GPR39: variants seen among roughly 807,000 people sequenced by gnomAD.
GPR39 encodes G protein-coupled receptor 39.
A neutral mutation model predicts 18.4 loss-of-function variants in GPR39; 23 were observed. That is an observed-to-expected ratio of 1.25 (90% CI 0.90 to 1.77). The LOEUF (loss-of-function observed/expected upper bound fraction) is 1.77, where lower values mean the gene tolerates loss of function less well. Among genes scored for constraint, GPR39 ranks in the 40% most tolerant of loss-of-function variants. GPR39 has a pLI of 0.00. For missense variants in GPR39, 647 were observed against 602.4 expected, an observed-to-expected ratio of 1.07 and a Z score of -0.78; for synonymous variants, 280 against 257.9, an observed-to-expected ratio of 1.09 and a Z score of -0.82.
At chr2:132,481,454 G>A (rs1225933683) in intron 1 of GPR39, among the ~76,000 whole-genome samples, 2 of 152,198 alleles carry the variant, frequency 1.3e-5, no homozygotes, top group Non-Finnish European at 2.9e-5. Flanking sequence ...TGCTATACCA[G>A]GAGGTAAAAG....
rs146010135 is a variant in GPR39 at position 132,431,336 on chromosome 2, C to T, written c.856+13438C>T. On this transcript the variant is annotated intron_variant, in intron 1 of 1. Coordinates refer to ENST00000329321, the MANE Select transcript of GPR39 (RefSeq NM_001508.3). ...TCCTTATTTCAGATGTAAGATCCTA[C>T]CTTTGATGTCAAGCATATTGACCAT... is the stretch of plus-strand genomic sequence containing the variant. 2.9e-4 allele frequency among the ~76,000 whole-genome samples: 44 copies of T among 152,270 alleles called. No individual in the cohort carries two copies. The East Asian group carries it at 3.1e-3, about 11-fold the overall frequency.
At position 132,578,642 on chromosome 2, in the gene GPR39, G is replaced by C. The variant is rs939051975; in HGVS notation, c.857-66459G>C. ...ACACTAGTATTTTCTTTGAGTGACT[G>C]TTAAGTGTGTTTCTAAATAGACTTA... On this transcript the variant is annotated intron_variant, in intron 1 of 1. Transcript: ENST00000329321. Among the ~76,000 whole-genome samples, 17 of 152,178 alleles carry C rather than the reference G, an allele frequency of 1.1e-4. No homozygotes were observed. The East Asian group carries it at 1.9e-3, about 17-fold the overall frequency.
At chr2:132,534,238 A>T (rs913961932) in intron 1 of GPR39, among the ~76,000 whole-genome samples, 2 of 152,124 alleles carry the variant, frequency 1.3e-5, no homozygotes. Flanking sequence ...ACATGAAAAA[A>T]TGTTCATCAT....
intron 1 of GPR39, among the ~76,000 whole-genome samples, chr2:132,523,162 A>G (rs936404227): frequency 6.6e-6 from 1 of 152,256 alleles, no homozygotes; most frequent in South Asian, 2.1e-4. Context: ...CAAACCAGAC[A>G]TTACTTTTTT....
intron 1 of GPR39, among the ~76,000 whole-genome samples, chr2:132,622,943 CTG>C (rs911819253): frequency 2.6e-5 from 4 of 152,132 alleles, no homozygotes; most frequent in African/African-American, 9.7e-5. Flanking sequence ...GAAACCCTGT[CTG>C]TACTAAAAAT....
chr2:132,492,950 T>C (rs1160020327), intron 1 of GPR39, among the ~76,000 whole-genome samples: 1 of 143,810 alleles, frequency 7.0e-6, no homozygotes, highest in East Asian at 2.1e-4. Context: ...ACACCATATA[T>C]ACACCATATA....
At chr2:132,574,353 G>A (rs1252436724) in intron 1 of GPR39, among the ~76,000 whole-genome samples, 1 of 152,094 alleles carries the variant, frequency 6.6e-6, no homozygotes, top group Non-Finnish European at 1.5e-5. Flanking sequence ...ATGTTTATTA[G>A]TCATTTGTAT....
At chr2:132,595,254 G>A (rs186067888) in intron 1 of GPR39, among the ~76,000 whole-genome samples, 13 of 152,148 alleles carry the variant, frequency 8.5e-5, no homozygotes, top group African/African-American at 1.2e-4. Context: ...CACCTGCCTC[G>A]GCCTCCCAAA....
At position 132,594,709 on chromosome 2, in the gene GPR39, C is replaced by T. The variant is rs141998056; in HGVS notation, c.857-50392C>T. ...TCTGGAGAGATGGGGAGAGAGACAC[C>T]GAGATACCTCTTAAAGACAGAATAG... On this transcript the variant is annotated intron_variant, in intron 1 of 1. Transcript: ENST00000329321. 2.7e-3 allele frequency among the ~76,000 whole-genome samples: 404 copies of T among 151,732 alleles called. 3 individuals are homozygous for T. The highest frequency in any genetic ancestry group is 0.01 in the Middle Eastern group (3 of 294).
At chr2:132,435,081 T>C (rs985833573) in intron 1 of GPR39, among the ~76,000 whole-genome samples, 1 of 152,208 alleles carries the variant, frequency 6.6e-6, no homozygotes, top group Non-Finnish European at 1.5e-5. Context: ...TGGATCATTC[T>C]ATGATACAGA....
intron 1 of GPR39, among the ~76,000 whole-genome samples, chr2:132,500,840 C>T (rs1327140416): frequency 1.3e-5 from 2 of 152,036 alleles, no homozygotes; most frequent in African/African-American, 4.8e-5. Flanking sequence ...TATCCATCTC[C>T]TCTAGGTCTT....
chr2:132,477,788 A>G (rs1310751940), intron 1 of GPR39, among the ~76,000 whole-genome samples: 1 of 152,258 alleles, frequency 6.6e-6, no homozygotes, highest in African/African-American at 2.4e-5. Context: ...TAAGTATATT[A>G]CAAAGTTGGT....
intron 1 of GPR39, among the ~76,000 whole-genome samples, chr2:132,479,074 T>C (rs940488629): frequency 2.6e-5 from 4 of 152,220 alleles, no homozygotes; most frequent in African/African-American, 9.6e-5. Context: ...ACAGCAGTGC[T>C]GCTGATTTAA....
At chr2:132,594,321 T>C (rs1016845684) in intron 1 of GPR39, among the ~76,000 whole-genome samples, 1 of 152,096 alleles carries the variant, frequency 6.6e-6, no homozygotes, top group Non-Finnish European at 1.5e-5. Context: ...GCTAAAATGA[T>C]CTCTCAGTCT....
At chr2:132,609,455 C>G (rs1681201736) in intron 1 of GPR39, among the ~76,000 whole-genome samples, 2 of 152,160 alleles carry the variant, frequency 1.3e-5, no homozygotes, top group Admixed American at 1.3e-4. Context: ...ATCACTTATA[C>G]AAAGTTGCAC....
chr2:132,421,182 G>C (rs1680002819), intron 1 of GPR39, among the ~76,000 whole-genome samples: 1 of 152,152 alleles, frequency 6.6e-6, no homozygotes, highest in African/African-American at 2.4e-5. Flanking sequence ...TCTTTCCCCA[G>C]ACCTCCCATC....
rs780312522 is a variant in GPR39, at chr2:132,417,440, G to A, written c.398G>A (p.Arg133His). ...CACGTGCTGACACTCAGCTTTGAGC[G>A]CTACATCGCCATCTGTCACCCCTTC... ...LLHVLTLSFE[R>H]YIAICHPFRY... The change falls in exon 1 of 2, where the codon CGC (arginine) becomes CAC (histidine). Residue 133 changes from arginine to histidine, a missense_variant. This residue lies in a region of GPR39 where 581 missense variants were observed against 506.8 expected (regional missense o/e 1.15). Transcript: ENST00000329321. 9 of 1,614,038 alleles carry A rather than the reference G, an allele frequency of 5.6e-6. No individual in the cohort carries two copies. The African/African-American group carries it at 1.2e-4, about 22-fold the overall frequency.
chr2:132,452,100 T>G (rs1270847545), intron 1 of GPR39, among the ~76,000 whole-genome samples: 2 of 152,234 alleles, frequency 1.3e-5, no homozygotes, highest in Non-Finnish European at 2.9e-5. Flanking sequence ...ACCAAAGGTA[T>G]CACTCCACTA....
intron 1 of GPR39, among the ~76,000 whole-genome samples, chr2:132,493,657 G>T (rs1681578085): frequency 6.6e-6 from 1 of 151,606 alleles, no homozygotes; most frequent in Non-Finnish European, 1.5e-5. Context: ...CCACATGAAT[G>T]TAGGCCATTT....
Sources: gnomAD v4.1 joint callset for allele counts (sites outside exome capture counted in the v4.1 genomes callset) on GRCh38, gnomAD v4.1.1 for gene constraint, gnomAD v4.1.1 regional missense constraint, MANE v1.5 for transcripts, NCBI Gene and HGNC (gene_info 2026-07-23, HGNC 2026-07-21) for gene names.